NPHP4: variants seen among roughly 807,000 people sequenced by gnomAD.
The protein encoded by NPHP4 is nephrocystin-4.
NPHP4 carries 151 observed loss-of-function variants against 155.8 expected under a neutral mutation model. The ratio of observed to expected loss-of-function variants is 0.97; its 90% confidence interval spans 0.85 to 1.11. The LOEUF is 1.11. Ranked by LOEUF, NPHP4 falls within the 50% of genes least tolerant of loss-of-function variation. The pLI is 0.00. For synonymous variants in NPHP4, 845 were observed against 816.8 expected, an observed-to-expected ratio of 1.03 and a Z score of -0.59; for missense variants, 1,956 against 1,925.7, an observed-to-expected ratio of 1.02 and a Z score of -0.29.
At position 5,961,856 on chromosome 1, in the gene NPHP4, T is replaced by C; in HGVS notation, c.611A>G (p.Glu204Gly). Residue 204 changes from glutamate to glycine, a missense_variant, in exon 6 of 30, where the codon GAG becomes GGG. By Grantham distance (98) the Glu-to-Gly change is moderately conservative. Transcript: ENST00000378156. Reference sequence around the variant, plus strand: ...CTGCAGACCAGACACCAGAAGGTTCTCAGGAAGAAGGTGGAACGCAGGCTC... The same window carrying C: ...CTGCAGACCAGACACCAGAAGGTTCCCAGGAAGAAGGTGGAACGCAGGCTC... ...ALEPAFHLLP[E>G]NLLVSGLQQI... 1.9e-6 allele frequency: 3 copies of C among 1,613,820 alleles called. No individual in the cohort carries two copies. Among genetic ancestry groups the C allele is most frequent in the Non-Finnish European group, 2.5e-6 (3 of 1,179,796 alleles).
At chr1:5,945,866 C>T (rs1021085022) in intron 9 of NPHP4, among the ~76,000 whole-genome samples, 9 of 152,206 alleles carry the variant, frequency 5.9e-5, no homozygotes, top group African/African-American at 1.7e-4. Context: ...TCCTAAATTG[C>T]GTGCCACTCT....
intron 3 of NPHP4, among the ~76,000 whole-genome samples, chr1:5,976,973 C>G (rs1370272973): frequency 2.0e-5 from 3 of 152,160 alleles, no homozygotes; most frequent in Non-Finnish European, 4.4e-5. Flanking sequence ...TGTTACTCAT[C>G]ATACAAACTG....
intron 19 of NPHP4, among the ~76,000 whole-genome samples, chr1:5,879,843 A>ACAC (rs1557634980): frequency 9.2e-6 from 1 of 108,158 alleles, no homozygotes; most frequent in Non-Finnish European, 2.1e-5. Flanking sequence ...AAACACACAC[A>ACAC]GACACGCACA....
chr1:5,890,727 T>C lies in NPHP4; in HGVS notation c.2304+141A>G. ...AAGAAACAGAGAATGCAGCACTATT[T>C]TTAACGAGTGAACAAAGAAGGTCAA... On this transcript the variant is annotated intron_variant, in intron 17 of 29. Transcript: ENST00000378156. The surrounding 1 kb of genome is among the most constrained non-coding windows in gnomAD (Gnocchi z 4.9). 3.2e-6 allele frequency: 2 copies of C among 620,690 alleles called. No individual in the cohort carries two copies. Among genetic ancestry groups the C allele is most frequent in the South Asian group, 3.9e-5 (1 of 25,890 alleles). The allele number at this position is 620,690 out of a possible 1,614,324, so 38.4% of individuals were successfully genotyped here.
At chr1:5,941,854 C>G (rs1361455338) in intron 9 of NPHP4, among the ~76,000 whole-genome samples, 1 of 152,168 alleles carries the variant, frequency 6.6e-6, no homozygotes, top group Non-Finnish European at 1.5e-5. Flanking sequence ...AGTGAGGAGA[C>G]AGGGGGCCCT....
chr1:5,894,115 G>A (rs1304737261), intron 16 of NPHP4, among the ~76,000 whole-genome samples: 1 of 152,100 alleles, frequency 6.6e-6, no homozygotes, highest in Non-Finnish European at 1.5e-5. Context: ...TATTATACTG[G>A]AACAGCTCAT....
rs1647147187 is a variant in NPHP4, at chr1:5,947,169, G to A, written c.1054C>T (p.Pro352Ser). 1 of 1,613,900 alleles carries A rather than the reference G, an allele frequency of 6.2e-7. No individual in the cohort carries two copies. The highest frequency in any genetic ancestry group is 8.5e-7 in the Non-Finnish European group (1 of 1,179,840). The part of the protein sequence containing the change: ...RLRLPEMVGH[P>S]AFAVIFQLEY... ...AGCTGGAAGATGACCGCAAATGCAG[G>A]GTGGCCGACCATCTCTGGGAGGCGG... The change falls in exon 9 of 30, where the codon CCT becomes TCT. Residue 352 changes from proline to serine, a missense_variant. Physicochemically the swap from Pro to Ser is moderately conservative, Grantham distance 74 (BLOSUM62 -1). Transcript: ENST00000378156.
chr1:5,871,363 C>T (rs1402132126), intron 23 of NPHP4, among the ~76,000 whole-genome samples: 4 of 152,274 alleles, frequency 2.6e-5, no homozygotes, highest in African/African-American at 7.2e-5. Flanking sequence ...ACAAATATAA[C>T]GCCTCGGTGT....
Position 5,933,205 on chromosome 1 carries a change from G to C in NPHP4, c.1244C>G (p.Pro415Arg). 6.2e-7 allele frequency: 1 copy of C among 1,613,830 alleles called. No individual in the cohort carries two copies. The highest frequency in any genetic ancestry group is 8.5e-7 in the Non-Finnish European group (1 of 1,179,802). The change falls in exon 10 of 30, where the codon CCC becomes CGC. Residue 415 changes from proline (P) to arginine (R), a missense_variant. Pro to Arg is a moderately radical substitution (Grantham distance 103). Coordinates refer to ENST00000378156, the MANE Select transcript of NPHP4 (RefSeq NM_015102.5). ...VTLPLQGGIQ[P>R]NPSHCLVYKV... is the part of the protein sequence containing the mutation. ...GTAGACCAGACAGTGCGAGGGGTTG[G>C]GCTGGATCCCACCCTGCAGAGGCAG... is the stretch of plus-strand genomic sequence containing the variant.
At chr1:5,888,582 T>A in intron 17 of NPHP4, 1 of 1,350,896 alleles carries the variant, frequency 7.4e-7, no homozygotes, top group Non-Finnish European at 9.8e-7. Context: ...CCTCAGTCAC[T>A]GGGAGACTGA....
At position 5,905,454 on chromosome 1, in the gene NPHP4, A is replaced by T; in HGVS notation, c.1793T>A (p.Met598Lys). Residue 598 changes from methionine to lysine, a missense_variant, in exon 15 of 30, where the codon ATG (methionine) becomes AAG (lysine). Physicochemically the swap from Met to Lys is moderately conservative, Grantham distance 95 (BLOSUM62 -1). Transcript: ENST00000378156. The surrounding 1 kb of genome is among the most constrained non-coding windows in gnomAD (Gnocchi z 4.0). ...SSAGQPSRASMVLLQSSGFPE... is the reference protein window; with the variant it reads ...SSAGQPSRASKVLLQSSGFPE... The stretch of plus-strand genomic sequence containing the variant: ...AAAGCCGGAGGACTGCAGGAGCACC[A>T]TGGAGGCTCTCGAGGGCTGCCCTGC... The T allele has an allele frequency of 6.2e-7, 1 of 1,607,744 alleles. No homozygotes were observed. The highest frequency in any genetic ancestry group is 1.3e-5 in the African/African-American group (1 of 74,906).
At chr1:5,874,372 G>T in intron 22 of NPHP4, 99 bp downstream of exon 22, 2 of 1,190,520 alleles carry the variant, frequency 1.7e-6, no homozygotes, top group Non-Finnish European at 2.3e-6. Context: ...TAGTCTGTCT[G>T]CACAGGTAAG....
chr1:5,915,167 A>T (rs987063348), intron 11 of NPHP4, among the ~76,000 whole-genome samples: 2 of 152,212 alleles, frequency 1.3e-5, no homozygotes, highest in East Asian at 3.9e-4. Context: ...GTTGCTTAGC[A>T]ACTCATGGCA....
intron 11 of NPHP4, 149 bp downstream of exon 11, chr1:5,927,500 A>G (rs1158314247): frequency 1.2e-6 from 1 of 861,190 alleles, no homozygotes; most frequent in African/African-American, 1.7e-5. Context: ...TTAAGCAAAA[A>G]CCCAACTAAC....
In NPHP4 at chr1:5,906,297, C is replaced by T. The variant is rs894566408; in HGVS notation, c.1612-514G>A. On this transcript the variant is annotated intron_variant, in intron 13 of 29. Coordinates refer to ENST00000378156, the MANE Select transcript of NPHP4 (RefSeq NM_015102.5). The stretch of plus-strand genomic sequence containing the variant: ...CCCCTGAAACTTCTTGTCATTCACT[C>T]GTATTCCACCTCCACTCCCCTCCAA... 5.3e-5 allele frequency among the ~76,000 whole-genome samples: 8 copies of T among 152,244 alleles called. No individual in the cohort carries two copies. In the East Asian group the frequency reaches 1.2e-3, roughly 22 times the overall value.
At position 5,889,998 on chromosome 1, in the gene NPHP4, A is replaced by G. The variant is rs1439990301; in HGVS notation, c.2304+870T>C. ...ATGCCTCAGAGGAAGAGCAGCTGGA[A>G]AAACTCCCATACCCCATCCCCCCAC... On this transcript the variant is annotated intron_variant, in intron 17 of 29. Transcript: ENST00000378156. This position sits in a 1 kb window ranked among gnomAD's most constrained non-coding sequence, Gnocchi z 4.2. 6.6e-6 allele frequency among the ~76,000 whole-genome samples: 1 copy of G among 152,146 alleles called. No individual in the cohort carries two copies. The highest frequency in any genetic ancestry group is 1.5e-5 in the Non-Finnish European group (1 of 68,024).
rs961766232 is a variant in NPHP4, at chr1:5,890,807, C to T, written c.2304+61G>A. 5.3e-6 allele frequency: 8 copies of T among 1,520,710 alleles called. No homozygotes were observed. The African/African-American group carries it at 9.6e-5, about 18-fold the overall frequency. The allele number at this position is 1,520,710 out of a possible 1,614,324, so 94.2% of individuals were successfully genotyped here. On this transcript the variant is annotated intron_variant, in intron 17 of 29. Coordinates refer to ENST00000378156, the MANE Select transcript of NPHP4 (RefSeq NM_015102.5). The surrounding 1 kb of genome is among the most constrained non-coding windows in gnomAD (Gnocchi z 4.9). Reference sequence around the variant, plus strand: ...CTTCCAAGCAGACAGACGCTGGAAGCGTGACTCGTCCCATGAGGGACGCAG... The same window carrying T: ...CTTCCAAGCAGACAGACGCTGGAAGTGTGACTCGTCCCATGAGGGACGCAG...
At chr1:5,868,053 C>T (rs1423094038) in intron 23 of NPHP4, 157 bp from the exon 24 acceptor site, 2 of 824,752 alleles carry the variant, frequency 2.4e-6, no homozygotes, top group South Asian at 1.4e-5. Flanking sequence ...AAGGCAGGGA[C>T]TGAGTCTGCA....
Position 5,904,937 on chromosome 1 carries a change from C to T in NPHP4, c.1956-133G>A, listed in dbSNP as rs911188984. The T allele has an allele frequency of 3.2e-5, 26 of 816,516 alleles. No individual in the cohort carries two copies. The African/African-American group carries it at 3.6e-4, about 11-fold the overall frequency. 50.6% of individuals were successfully genotyped at this position (816,516 alleles called of 1,614,324 possible). On this transcript the variant is annotated intron_variant, in intron 15 of 29. Coordinates refer to ENST00000378156, the MANE Select transcript of NPHP4 (RefSeq NM_015102.5). The stretch of plus-strand genomic sequence containing the variant: ...AACAGTAAAGAGGCTGCCGTGGTCA[C>T]CAATGCAACCGCTTTGCTGTGCTCT...
Sources: allele counts gnomAD v4.1 joint callset (sites outside exome capture counted in the v4.1 genomes callset), GRCh38; gene constraint gnomAD v4.1.1; non-coding constraint Gnocchi (gnomAD v3.1); transcripts MANE v1.5; gene names NCBI Gene and HGNC (gene_info 2026-07-23, HGNC 2026-07-21).